GRID2: variants seen among roughly 807,000 people sequenced by gnomAD.
The protein encoded by GRID2 is glutamate ionotropic receptor delta type subunit 2, also known as glutamate receptor ionotropic, delta-2.
A neutral mutation model predicts 114.8 loss-of-function variants in GRID2; 33 were observed. That is an observed-to-expected ratio of 0.29 (90% CI 0.22 to 0.38). The LOEUF is 0.38. Ranked by LOEUF, GRID2 falls within the 10% of genes least tolerant of loss-of-function variation. The pLI, the probability that GRID2 is intolerant of heterozygous loss-of-function variation, is 1.00. For synonymous variants in GRID2, 505 were observed against 449.9 expected, an observed-to-expected ratio of 1.12 and a Z score of -1.55; for missense variants, 1,184 against 1,257.7, an observed-to-expected ratio of 0.94 and a Z score of 0.89.
chr4:92,571,805 G>C (rs1377186318), intron 1 of GRID2, among the ~76,000 whole-genome samples: 1 of 152,016 alleles, frequency 6.6e-6, no homozygotes, highest in East Asian at 1.9e-4. Flanking sequence ...ACAAAATGAA[G>C]GCAGAAATAA....
chr4:93,505,573 G>T (rs1728547618), intron 12 of GRID2, among the ~76,000 whole-genome samples: 1 of 149,070 alleles, frequency 6.7e-6, no homozygotes, highest in Non-Finnish European at 1.5e-5. Context: ...TTATAGTGAA[G>T]ATTTGCTTAA....
At chr4:93,425,754 A>T (rs1560607147) in intron 10 of GRID2, among the ~76,000 whole-genome samples, 2 of 152,100 alleles carry the variant, frequency 1.3e-5, no homozygotes, top group Non-Finnish European at 2.9e-5. Flanking sequence ...CTGACAAGTT[A>T]GTTAATAAGA....
At chr4:92,673,920 C>A (rs552974715) in intron 2 of GRID2, among the ~76,000 whole-genome samples, 2 of 152,176 alleles carry the variant, frequency 1.3e-5, no homozygotes, top group East Asian at 3.9e-4. Context: ...CACATGTATA[C>A]ATTTGTAACA....
At chr4:92,507,209 A>G (rs1354054840) in intron 1 of GRID2, among the ~76,000 whole-genome samples, 1 of 151,900 alleles carries the variant, frequency 6.6e-6, no homozygotes, top group East Asian at 1.9e-4. Context: ...TACATGCAGT[A>G]TTTCACTTCA....
intron 13 of GRID2, among the ~76,000 whole-genome samples, chr4:93,604,780 A>C (rs1427324921): frequency 6.6e-6 from 1 of 152,244 alleles, no homozygotes; most frequent in Non-Finnish European, 1.5e-5. Flanking sequence ...AAAAGATTAC[A>C]ACTTGCTAAA....
intron 14 of GRID2, among the ~76,000 whole-genome samples, chr4:93,634,591 G>A (rs76944852): frequency 0.034 from 5,131 of 152,068 alleles, 281 homozygotes; most frequent in African/African-American, 0.12. Flanking sequence ...AACAGATCTA[G>A]GCCTCAGGTT....
At chr4:93,173,366 T>A (rs1026502601) in intron 4 of GRID2, among the ~76,000 whole-genome samples, 1 of 152,018 alleles carries the variant, frequency 6.6e-6, no homozygotes, top group South Asian at 2.1e-4. Flanking sequence ...GAGTCTTTCA[T>A]CTCTTAGGAG....
intron 2 of GRID2, among the ~76,000 whole-genome samples, chr4:92,800,598 G>T (rs535390671): frequency 3.0e-4 from 46 of 152,078 alleles, no homozygotes; most frequent in African/African-American, 1.0e-3. Context: ...TTTACAGCCA[G>T]TTGGAACTGG....
chr4:93,172,746 C>A (rs1738965273), intron 4 of GRID2, among the ~76,000 whole-genome samples: 1 of 152,082 alleles, frequency 6.6e-6, no homozygotes, highest in Non-Finnish European at 1.5e-5. Flanking sequence ...AAGCATACTG[C>A]CACTTTAAAG....
chr4:92,361,406 A>G (rs1240413621), intron 1 of GRID2, among the ~76,000 whole-genome samples: 2 of 152,068 alleles, frequency 1.3e-5, no homozygotes, highest in African/African-American at 4.8e-5. Context: ...ATTAGAAAAA[A>G]AATTGTGTAT....
At chr4:92,664,083 A>G (rs1732653098) in intron 2 of GRID2, among the ~76,000 whole-genome samples, 1 of 151,134 alleles carries the variant, frequency 6.6e-6, no homozygotes, top group Admixed American at 6.6e-5. Context: ...GTCTTGTTAC[A>G]GGTCCATAAG....
At chr4:92,903,369 T>C (rs1423869564) in intron 2 of GRID2, among the ~76,000 whole-genome samples, 3 of 151,938 alleles carry the variant, frequency 2.0e-5, no homozygotes, top group Admixed American at 6.6e-5. Flanking sequence ...TATCCAATGC[T>C]CCTAGATTTT....
At chr4:92,382,714 T>A (rs551409322) in intron 1 of GRID2, among the ~76,000 whole-genome samples, 1 of 152,040 alleles carries the variant, frequency 6.6e-6, no homozygotes, top group Admixed American at 6.6e-5. Context: ...TAATTATTTT[T>A]GTTTTCAATA....
rs910547348 is a variant in GRID2, at chr4:93,599,321, G to A, written c.2194-26948G>A. Reference sequence around the variant, plus strand: ...ATTAGTGGTCACTTCTAAGCACAAGGAAACTTAAAAGTGTTTCACCTACAA... The same window carrying A: ...ATTAGTGGTCACTTCTAAGCACAAGAAAACTTAAAAGTGTTTCACCTACAA... On this transcript the variant is annotated intron_variant, in intron 13 of 15. Coordinates refer to ENST00000282020, the MANE Select transcript of GRID2 (RefSeq NM_001510.4). 4.6e-5 allele frequency among the ~76,000 whole-genome samples: 7 copies of A among 152,134 alleles called. No individual in the cohort carries two copies. In the South Asian group the frequency reaches 8.3e-4, roughly 18 times the overall value.
intron 1 of GRID2, among the ~76,000 whole-genome samples, chr4:93,803,578 C>A (rs1016681328): frequency 6.6e-6 from 1 of 151,966 alleles, no homozygotes; most frequent in African/African-American, 2.4e-5. Flanking sequence ...AAAAATTAGC[C>A]GGGCATGGTG....
At chr4:92,588,008 G>A (rs7663835) in intron 1 of GRID2, among the ~76,000 whole-genome samples, 57,732 of 151,920 alleles carry the variant, frequency 0.38, 10,967 homozygotes, top group Middle Eastern at 0.45. Flanking sequence ...AGATTATCTG[G>A]TTTAAAATGA....
intron 1 of GRID2, among the ~76,000 whole-genome samples, chr4:92,407,357 T>G (rs774467680): frequency 6.6e-6 from 1 of 152,208 alleles, no homozygotes; most frequent in Non-Finnish European, 1.5e-5. Flanking sequence ...GTTGATTCCA[T>G]GTCCTTGCTA....
intron 2 of GRID2, among the ~76,000 whole-genome samples, chr4:93,020,715 T>C (rs1723194990): frequency 6.6e-6 from 1 of 152,128 alleles, no homozygotes; most frequent in African/African-American, 2.4e-5. Context: ...AATGTCTATA[T>C]TTAAAATGTT....
At chr4:93,113,376 A>T (rs569215951) in intron 4 of GRID2, among the ~76,000 whole-genome samples, 1 of 152,284 alleles carries the variant, frequency 6.6e-6, no homozygotes, top group Non-Finnish European at 1.5e-5. Flanking sequence ...TCTGGGATTA[A>T]TTCCAATAAG....
Sources: gnomAD v4.1 joint callset for allele counts (sites outside exome capture counted in the v4.1 genomes callset) on GRCh38, gnomAD v4.1.1 for gene constraint, MANE v1.5 for transcripts, NCBI Gene and HGNC (gene_info 2026-07-23, HGNC 2026-07-21) for gene names.